Variants in CDK5RAP2 observed in about 807,000 individuals in gnomAD.
The protein encoded by CDK5RAP2 is CDK5 regulatory subunit-associated protein 2.
A neutral mutation model predicts 232.9 loss-of-function variants in CDK5RAP2; 147 were observed. The observed-to-expected ratio is 0.63, with a 90% CI of 0.55 to 0.72. The LOEUF is 0.72. Ranked by LOEUF, CDK5RAP2 falls within the 30% of genes least tolerant of loss-of-function variation. The probability of loss-of-function intolerance (pLI) is 0.00; values close to 1 mark genes in which losing one functional copy is unlikely to be tolerated. For synonymous variants in CDK5RAP2, 833 were observed against 833.7 expected, an observed-to-expected ratio of 1.00 and a Z score of 0.01; for missense variants, 2,195 against 2,231.5, an observed-to-expected ratio of 0.98 and a Z score of 0.33.
intron 20 of CDK5RAP2, among the ~76,000 whole-genome samples, chr9:120,457,937 C>T (rs181772556): frequency 4.3e-4 from 65 of 152,210 alleles, no homozygotes; most frequent in Middle Eastern, 3.4e-3. Context: ...AAAAATTACT[C>T]CTAAAGGATT....
At chr9:120,459,600 G>A (rs903603790) in intron 19 of CDK5RAP2, among the ~76,000 whole-genome samples, 2 of 152,050 alleles carry the variant, frequency 1.3e-5, no homozygotes, top group Non-Finnish European at 2.9e-5. Context: ...ATTATTTACT[G>A]AGCACTTATT....
intron 4 of CDK5RAP2, among the ~76,000 whole-genome samples, chr9:120,549,155 CAAAA>C (rs35413563): frequency 3.7e-5 from 5 of 134,034 alleles, no homozygotes; most frequent in African/African-American, 2.8e-5. Context: ...GACTCTGTCT[CAAAA>C]AAAAAAAAAA....
chr9:120,561,344 T>C (rs1419433519), intron 3 of CDK5RAP2, among the ~76,000 whole-genome samples: 1 of 152,182 alleles, frequency 6.6e-6, no homozygotes, highest in East Asian at 1.9e-4. Context: ...TCGCTCAGGC[T>C]AGAGTGCAGT....
chr9:120,443,628 TA>T lies in CDK5RAP2; in HGVS notation c.3139del (p.Tyr1047ThrfsTer27), dbSNP rs1412227814. 4.3e-6 allele frequency: 7 copies of T among 1,614,008 alleles called. No homozygotes were observed. In the Admixed American group the frequency reaches 1.2e-4, roughly 27 times the overall value. On this transcript the variant is annotated frameshift_variant, in exon 23 of 38. Coordinates refer to ENST00000349780, the MANE Select transcript of CDK5RAP2 (RefSeq NM_018249.6). LOFTEE classifies it high-confidence loss of function. The part of the protein sequence containing the change: ...KEMDSDQQRS[Y>X]EIDSEICPPD... The stretch of plus-strand genomic sequence containing the variant: ...AGGGGCTGAATTCTGACCAATCTCG[TA>T]GCTTCTTTGCTGATCACTGTCCATT...
At position 120,439,882 on chromosome 9, in the gene CDK5RAP2, G is replaced by A. The variant is rs766397611; in HGVS notation, c.3239C>T (p.Thr1080Ile). Reference protein sequence around the residue: ...EDVLSPTSVATYLSSKSQPSA... With the variant: ...EDVLSPTSVAIYLSSKSQPSA... ...AGGCTGACTCTTGGAACTCAGGTAAGTAGCTACTGAAGTTGGGCTCAGAAC... is the reference window on the plus strand; with the variant it reads ...AGGCTGACTCTTGGAACTCAGGTAAATAGCTACTGAAGTTGGGCTCAGAAC... Residue 1080 changes from threonine to isoleucine, a missense_variant, in exon 24 of 38, where the codon ACT becomes ATT. By Grantham distance (89) the Thr-to-Ile change is moderately conservative. Transcript: ENST00000349780. 1.2e-6 allele frequency: 2 copies of A among 1,614,206 alleles called. No homozygotes were observed. Among genetic ancestry groups the A allele is most frequent in the Non-Finnish European group, 1.7e-6 (2 of 1,180,026 alleles).
chr9:120,400,157 T>C (rs953084644), intron 35 of CDK5RAP2, among the ~76,000 whole-genome samples: 1 of 152,196 alleles, frequency 6.6e-6, no homozygotes, highest in Non-Finnish European at 1.5e-5. Flanking sequence ...GCGTTCACCT[T>C]GTCATGACAC....
chr9:120,449,934 G>A (rs2036396560), intron 21 of CDK5RAP2, among the ~76,000 whole-genome samples: 1 of 152,168 alleles, frequency 6.6e-6, no homozygotes, highest in South Asian at 2.1e-4. Context: ...AGAGGGTACA[G>A]GCACTTTAGA....
chr9:120,421,797 C>A (rs576636465), intron 26 of CDK5RAP2, among the ~76,000 whole-genome samples: 1 of 152,352 alleles, frequency 6.6e-6, no homozygotes, highest in South Asian at 2.1e-4. Flanking sequence ...AAGACATAGG[C>A]TTTGCCCTCA....
At position 120,411,452 on chromosome 9, in the gene CDK5RAP2, A is replaced by G; in HGVS notation, c.4320T>C (p.Ser1440=). ...FVQGSTSIFA[S]GSELHSSLTS... ...TTAGAGAACTATGAAGCTCTGAACC[A>G]GAAGCAAAAATGCTTGTAGAACCTA... The change falls in exon 29 of 38, where the codon TCT becomes TCC. Residue 1440 remains serine, a synonymous_variant. Transcript: ENST00000349780. 1 of 1,609,738 alleles carries G rather than the reference A, an allele frequency of 6.2e-7. No homozygotes were observed. Among genetic ancestry groups the G allele is most frequent in the Non-Finnish European group, 8.5e-7 (1 of 1,176,200 alleles).
intron 28 of CDK5RAP2, among the ~76,000 whole-genome samples, chr9:120,413,990 C>T (rs1230741961): frequency 6.6e-6 from 1 of 152,188 alleles, no homozygotes; most frequent in Non-Finnish European, 1.5e-5. Flanking sequence ...TCCAAGGACT[C>T]GGGTGCTGCT....
At chr9:120,413,618 C>T (rs112046114) in intron 28 of CDK5RAP2, among the ~76,000 whole-genome samples, 2,219 of 152,258 alleles carry the variant, frequency 0.015, 63 homozygotes, top group African/African-American at 0.051. Flanking sequence ...TTTGAGCCCC[C>T]AAATAATTCT....
intron 3 of CDK5RAP2, among the ~76,000 whole-genome samples, chr9:120,558,371 C>CAAA (rs60669308): frequency 0.49 from 19,635 of 40,060 alleles, 8,101 homozygotes; most frequent in Non-Finnish European, 0.55. Context: ...GACTCCGTCT[C>CAAA]AAAAAAAAAA....
intron 36 of CDK5RAP2, 112 bp from the exon 37 acceptor site, chr9:120,389,899 A>T: frequency 1.1e-6 from 1 of 937,204 alleles, no homozygotes; most frequent in Non-Finnish European, 1.7e-6. Context: ...GGACATGTAG[A>T]CAACACGAGG....
intron 14 of CDK5RAP2, among the ~76,000 whole-genome samples, chr9:120,478,875 A>G (rs1044440178): frequency 1.8e-4 from 27 of 152,228 alleles, no homozygotes; most frequent in Non-Finnish European, 3.7e-4. Flanking sequence ...AAAGGTAACA[A>G]TGTGAGATGA....
chr9:120,540,341 A>G (rs1379978922), intron 5 of CDK5RAP2, among the ~76,000 whole-genome samples: 3 of 152,174 alleles, frequency 2.0e-5, no homozygotes, highest in Non-Finnish European at 4.4e-5. Flanking sequence ...GAACAAATCT[A>G]TTCACCACCA....
intron 22 of CDK5RAP2, among the ~76,000 whole-genome samples, chr9:120,444,072 G>A (rs1176069596): frequency 2.0e-5 from 3 of 152,194 alleles, no homozygotes; most frequent in East Asian, 1.9e-4. Flanking sequence ...ACCTGGAGTT[G>A]AGGCACTCTG....
chr9:120,476,708 T>C (rs1453921340), intron 15 of CDK5RAP2, among the ~76,000 whole-genome samples: 1 of 151,162 alleles, frequency 6.6e-6, no homozygotes, highest in Non-Finnish European at 1.5e-5. Context: ...ACTTCTCAAT[T>C]CTGAGAAGTC....
intron 25 of CDK5RAP2, among the ~76,000 whole-genome samples, chr9:120,427,610 T>C (rs548844178): frequency 6.6e-6 from 1 of 151,210 alleles, no homozygotes; most frequent in Non-Finnish European, 1.5e-5. Context: ...TGGGAGGGGG[T>C]GGAAAGAATA....
Position 120,475,867 on chromosome 9 carries a change from C to T in CDK5RAP2, c.1727+1483G>A, listed in dbSNP as rs1042458237. Among the ~76,000 whole-genome samples, 184 of 152,296 alleles carry T rather than the reference C, an allele frequency of 1.2e-3. 2 individuals carry two copies. The highest frequency in any genetic ancestry group is 2.1e-3 in the Non-Finnish European group (145 of 68,030). ...CAGAGACAGTAAGGTGGGACCCCTGCCCTGAGGGAGCTCCAACACAGGTGA... is the reference window on the plus strand; with the variant it reads ...CAGAGACAGTAAGGTGGGACCCCTGTCCTGAGGGAGCTCCAACACAGGTGA... On this transcript the variant is annotated intron_variant, in intron 15 of 37. Transcript: ENST00000349780.
Sources: allele counts gnomAD v4.1 joint callset (sites outside exome capture counted in the v4.1 genomes callset), GRCh38; gene constraint gnomAD v4.1.1; transcripts MANE v1.5; gene names NCBI Gene and HGNC (gene_info 2026-07-23, HGNC 2026-07-21).